The following GDPD5 variants were observed in gnomAD, a reference collection of about 807,000 sequenced individuals.
GDPD5 encodes the protein glycerophosphodiester phosphodiesterase domain containing 5.
In GDPD5, 48 loss-of-function variants were observed where a neutral mutation model predicts 75.1. The observed-to-expected ratio is 0.64, with a 90% CI of 0.51 to 0.81. The LOEUF is 0.81. Among genes scored for constraint, GDPD5 ranks in the 40% least tolerant of loss-of-function variants. The pLI, the probability that GDPD5 is intolerant of heterozygous loss-of-function variation, is 0.00. For synonymous variants in GDPD5, 336 were observed against 339.0 expected (o/e 0.99, Z 0.10); for missense variants, 706 against 822.6 (o/e 0.86, Z 1.73).
At chr11:75,475,495 G>T (rs1234977400) in intron 3 of GDPD5, among the ~76,000 whole-genome samples, 1 of 152,188 alleles carries the variant, frequency 6.6e-6, no homozygotes, top group Non-Finnish European at 1.5e-5. Context: ...TTCCTTCGTT[G>T]TGAGAGTCCA....
At chr11:75,505,810 G>A (rs879550568) in intron 1 of GDPD5, among the ~76,000 whole-genome samples, 6 of 152,104 alleles carry the variant, frequency 3.9e-5, no homozygotes, top group Admixed American at 2.0e-4. Context: ...GTCCAGAACC[G>A]TTTCTCCTAT....
At chr11:75,445,775 G>T (rs1252308838) in intron 9 of GDPD5, among the ~76,000 whole-genome samples, 2 of 152,198 alleles carry the variant, frequency 1.3e-5, no homozygotes, top group Admixed American at 1.3e-4. Flanking sequence ...GAGGGCTTTG[G>T]AACGGACTAA....
chr11:75,497,744 G>C (rs923028321), intron 1 of GDPD5, among the ~76,000 whole-genome samples: 10 of 152,182 alleles, frequency 6.6e-5, no homozygotes, highest in African/African-American at 2.4e-4. Flanking sequence ...TGACCACTGG[G>C]GGCTTAATTC....
intron 3 of GDPD5, among the ~76,000 whole-genome samples, chr11:75,470,681 GGAAAAAAATTTTAAAAATA>G (rs1949641668): frequency 6.6e-6 from 1 of 151,872 alleles, no homozygotes; most frequent in Non-Finnish European, 1.5e-5. Context: ...CTTCAAAATG[GGAAAAAAATTTTAAAAATA>G]GAAAAAAATA....
chr11:75,497,309 C>A (rs777066103), intron 1 of GDPD5, among the ~76,000 whole-genome samples: 1 of 152,136 alleles, frequency 6.6e-6, no homozygotes, highest in African/African-American at 2.4e-5. Flanking sequence ...ACAAAGGTGG[C>A]AGGACGCGTA....
intron 3 of GDPD5, among the ~76,000 whole-genome samples, chr11:75,476,859 C>A (rs907156850): frequency 6.6e-5 from 10 of 152,200 alleles, no homozygotes; most frequent in Admixed American, 6.5e-4. Flanking sequence ...CTGACATCAG[C>A]GGCAGCCACC....
intron 4 of GDPD5, 106 bp from the exon 5 acceptor site, chr11:75,457,892 G>A: frequency 1.2e-6 from 1 of 815,338 alleles, no homozygotes; most frequent in Non-Finnish European, 2.0e-6. Flanking sequence ...TGGGCTCAGT[G>A]ACCAGGCTGT....
At chr11:75,472,636 G>GGTCC (rs1027133501) in intron 3 of GDPD5, among the ~76,000 whole-genome samples, 12 of 152,030 alleles carry the variant, frequency 7.9e-5, no homozygotes, top group African/African-American at 2.7e-4. Flanking sequence ...GCTCATTAGG[G>GGTCC]GTCCGGCTGC....
chr11:75,446,144 C>T (rs992374231), intron 9 of GDPD5, among the ~76,000 whole-genome samples: 1 of 152,240 alleles, frequency 6.6e-6, no homozygotes. Flanking sequence ...GGTCCACGCT[C>T]CCTGCTGCAT....
chr11:75,448,469 G>A (rs1179985405), intron 9 of GDPD5: 12 of 985,560 alleles, frequency 1.2e-5, no homozygotes, highest in Non-Finnish European at 1.4e-5. Flanking sequence ...CAGGCAACAT[G>A]GCTCTGGAGC....
intron 7 of GDPD5, 100 bp downstream of exon 7, chr11:75,449,785 C>A: frequency 7.4e-7 from 1 of 1,345,190 alleles, no homozygotes; most frequent in Admixed American, 1.8e-5. Context: ...GCTCTGTGAC[C>A]CTGGGCGCCT....
In GDPD5 at chr11:75,441,083, A is replaced by G. The variant is rs751709174; in HGVS notation, c.1473+80T>C. The G allele has an allele frequency of 3.5e-6, 5 of 1,428,912 alleles. No homozygotes were observed. The African/African-American group carries it at 7.0e-5, about 20-fold the overall frequency. 88.5% of individuals were successfully genotyped at this position (1,428,912 alleles called of 1,614,324 possible). ...AGACCTCCCAGGGACAGCTCCAAGC[A>G]CAGAGCTTGCCGAGTGGTCAGGGCA... On this transcript the variant is annotated intron_variant, in intron 14 of 16. Transcript: ENST00000336898.
intron 6 of GDPD5, 38 bp from the exon 7 acceptor site, chr11:75,450,021 G>C (rs748002894): frequency 6.4e-7 from 1 of 1,559,714 alleles, no homozygotes; most frequent in Non-Finnish European, 8.8e-7. Flanking sequence ...GGCTCAGAGC[G>C]GGTGGGAGGG....
chr11:75,492,766 C>G (rs1439157693), intron 1 of GDPD5, among the ~76,000 whole-genome samples: 1 of 152,142 alleles, frequency 6.6e-6, no homozygotes, highest in Non-Finnish European at 1.5e-5. Flanking sequence ...GAGTTTCGCT[C>G]TTGTTGCCCA....
At chr11:75,486,369 C>G (rs935657865) in intron 2 of GDPD5, among the ~76,000 whole-genome samples, 6 of 152,194 alleles carry the variant, frequency 3.9e-5, no homozygotes, top group Non-Finnish European at 8.8e-5. Flanking sequence ...GGCACCTGGT[C>G]GTCCTGAGCA....
rs774346065 is a variant in GDPD5, at chr11:75,442,381, G to A, written c.1149C>T (p.Ser383=). The A allele has an allele frequency of 2.6e-5, 41 of 1,567,546 alleles. No individual in the cohort carries two copies. The East Asian group carries it at 4.1e-4, about 16-fold the overall frequency. The change falls in exon 12 of 17, where the codon TCC becomes TCT. Residue 383 remains serine, a synonymous_variant. Transcript: ENST00000336898. Reference sequence around the variant, plus strand: ...GCCTCACCTGGTGCTGGGGGAAGCCGGAGTGCAGCACGGCCTCCAGAGTCA... The same window carrying A: ...GCCTCACCTGGTGCTGGGGGAAGCCAGAGTGCAGCACGGCCTCCAGAGTCA... ...INVTLEAVLH[S]GFPQHQVMWL... is the part of the protein sequence containing the mutation.
intron 3 of GDPD5, among the ~76,000 whole-genome samples, chr11:75,470,072 T>G (rs1046927100): frequency 5.9e-5 from 9 of 152,112 alleles, no homozygotes; most frequent in African/African-American, 2.2e-4. Flanking sequence ...CTTAACATTG[T>G]CAGTTATAGG....
intron 1 of GDPD5, chr11:75,508,344 C>T (rs1324574767): frequency 6.6e-6 from 1 of 152,232 alleles, no homozygotes; most frequent in Non-Finnish European, 1.5e-5. Flanking sequence ...ATCTGCCTTG[C>T]AAATCGGTGG....
At chr11:75,498,830 T>G (rs1950256258) in intron 1 of GDPD5, among the ~76,000 whole-genome samples, 1 of 152,094 alleles carries the variant, frequency 6.6e-6, no homozygotes, top group Non-Finnish European at 1.5e-5. Flanking sequence ...TCCTGGGCAA[T>G]CAGCACCTTA....
Sources: gnomAD v4.1 joint callset for allele counts (sites outside exome capture counted in the v4.1 genomes callset) on GRCh38, gnomAD v4.1.1 for gene constraint, MANE v1.5 for transcripts, NCBI Gene and HGNC (gene_info 2026-07-23, HGNC 2026-07-21) for gene names.